Variants in CDH13 observed in about 807,000 individuals in gnomAD.
CDH13 encodes cadherin-13.
A neutral mutation model predicts 63.8 loss-of-function variants in CDH13; 24 were observed. The observed-to-expected ratio is 0.38, with a 90% CI of 0.27 to 0.53. The LOEUF is 0.53. CDH13 is among the 20% of genes least tolerant of loss of function. CDH13 has a pLI of 0.85. For synonymous variants in CDH13, 503 were observed against 355.3 expected (o/e 1.42, Z -4.67); for missense variants, 1,049 against 903.1 (o/e 1.16, Z -2.07).
intron 4 of CDH13, among the ~76,000 whole-genome samples, chr16:83,147,310 A>G (rs2036792108): frequency 1.3e-5 from 2 of 152,052 alleles, no homozygotes; most frequent in Admixed American, 1.3e-4. Context: ...GTGAGGCCTG[A>G]CCTTGCTTTG....
intron 4 of CDH13, among the ~76,000 whole-genome samples, chr16:83,172,321 T>C (rs1031987155): frequency 5.3e-5 from 8 of 152,034 alleles, no homozygotes; most frequent in Non-Finnish European, 1.2e-4. Context: ...AAACCCCGTC[T>C]CTACTAAAAA....
chr16:82,795,246 C>T (rs2036524808), intron 1 of CDH13, among the ~76,000 whole-genome samples: 1 of 152,186 alleles, frequency 6.6e-6, no homozygotes, highest in South Asian at 2.1e-4. Context: ...TTCCAATGGA[C>T]ATGGACAGTT....
intron 4 of CDH13, among the ~76,000 whole-genome samples, chr16:83,131,286 T>C (rs1208660007): frequency 6.8e-6 from 1 of 147,692 alleles, no homozygotes; most frequent in Admixed American, 7.0e-5. Flanking sequence ...CTGGCTCTTT[T>C]CCATGGTGCA....
At chr16:83,327,710 A>G (rs1354656572) in intron 5 of CDH13, among the ~76,000 whole-genome samples, 2 of 152,252 alleles carry the variant, frequency 1.3e-5, no homozygotes, top group Non-Finnish European at 2.9e-5. Context: ...TTGATCAAGA[A>G]GTCAAGGAAG....
chr16:83,305,257 C>T (rs766068537), intron 5 of CDH13, among the ~76,000 whole-genome samples: 7 of 152,184 alleles, frequency 4.6e-5, no homozygotes, highest in Non-Finnish European at 1.0e-4. Flanking sequence ...CTTCACTTTA[C>T]TTAAGCATGG....
chr16:83,091,492 ATTAAT>A (rs2033909714), intron 3 of CDH13, among the ~76,000 whole-genome samples: 1 of 152,330 alleles, frequency 6.6e-6, no homozygotes, highest in East Asian at 1.9e-4. Flanking sequence ...TAATTCTGAC[ATTAAT>A]TTCAGTTCCT....
At chr16:83,494,049 G>C (rs759373612) in intron 7 of CDH13, among the ~76,000 whole-genome samples, 57 of 152,226 alleles carry the variant, frequency 3.7e-4, no homozygotes, top group Middle Eastern at 3.4e-3. Context: ...GTAGTTACTG[G>C]GCACATGTTG....
intron 6 of CDH13, among the ~76,000 whole-genome samples, chr16:83,358,163 C>G (rs768702271): frequency 1.3e-5 from 2 of 152,164 alleles, no homozygotes; most frequent in Non-Finnish European, 2.9e-5. Flanking sequence ...CTGTATTGCT[C>G]AGCCTCCCTG....
chr16:83,558,223 C>G (rs1279973378), intron 7 of CDH13, among the ~76,000 whole-genome samples: 1 of 152,140 alleles, frequency 6.6e-6, no homozygotes, highest in Non-Finnish European at 1.5e-5. Context: ...TAAGAGTGAA[C>G]CTACATTGTT....
chr16:83,745,398 A>G (rs1912481843), intron 10 of CDH13, among the ~76,000 whole-genome samples: 1 of 152,284 alleles, frequency 6.6e-6, no homozygotes, highest in African/African-American at 2.4e-5. Context: ...TGTGTGAATT[A>G]AATTTACAAC....
At chr16:82,961,572 T>TAA (rs71376305) in intron 2 of CDH13, among the ~76,000 whole-genome samples, 12,735 of 102,926 alleles carry the variant, frequency 0.12, 847 homozygotes, top group East Asian at 0.29. Context: ...GCAGGGGACT[T>TAA]AAAAAAAAAA....
chr16:83,432,175 T>G (rs1408811380), intron 6 of CDH13, among the ~76,000 whole-genome samples: 1 of 152,128 alleles, frequency 6.6e-6, no homozygotes, highest in Non-Finnish European at 1.5e-5. Context: ...AATTTCAGAT[T>G]CCCTGTGACG....
chr16:82,800,290 C>G (rs896265503), intron 1 of CDH13, among the ~76,000 whole-genome samples: 5 of 152,052 alleles, frequency 3.3e-5, no homozygotes, highest in African/African-American at 9.7e-5. Flanking sequence ...GGTTAGGTCT[C>G]CTTTAAAATT....
At chr16:83,334,492 C>A (rs1182887625) in intron 5 of CDH13, among the ~76,000 whole-genome samples, 1 of 151,876 alleles carries the variant, frequency 6.6e-6, no homozygotes, top group Non-Finnish European at 1.5e-5. Context: ...CTACCTCACC[C>A]TCCTGAGTAG....
chr16:83,183,223 G>C (rs757539777), intron 4 of CDH13, among the ~76,000 whole-genome samples: 15 of 152,176 alleles, frequency 9.9e-5, no homozygotes, highest in Non-Finnish European at 2.1e-4. Flanking sequence ...CTTTATTTGA[G>C]ATAAACACAA....
intron 2 of CDH13, among the ~76,000 whole-genome samples, chr16:82,927,514 G>A (rs1420462685): frequency 6.6e-6 from 1 of 152,148 alleles, no homozygotes; most frequent in African/African-American, 2.4e-5. Flanking sequence ...CAAAACAGAT[G>A]TTAAATGTTC....
intron 10 of CDH13, among the ~76,000 whole-genome samples, chr16:83,736,242 C>T (rs755415642): frequency 3.3e-5 from 5 of 152,146 alleles, no homozygotes; most frequent in Admixed American, 6.5e-5. Flanking sequence ...TTTACCCATA[C>T]TAAGAGTGTT....
chr16:83,673,885 G>A lies in CDH13; in HGVS notation c.1284+2913G>A, dbSNP rs138123992. 2.4e-3 allele frequency among the ~76,000 whole-genome samples: 372 copies of A among 152,328 alleles called. 1 individual carries two copies. Among genetic ancestry groups the A allele is most frequent in the African/African-American group, 7.4e-3 (307 of 41,580 alleles). On this transcript the variant is annotated intron_variant, in intron 9 of 13. Transcript: ENST00000567109. Reference sequence around the variant, plus strand: ...CTCCCTGCAAATTCCAGGGGAAGAGGTGCCCACAGAGGCTGATGCTCTTGC... The same window carrying A: ...CTCCCTGCAAATTCCAGGGGAAGAGATGCCCACAGAGGCTGATGCTCTTGC...
intron 1 of CDH13, among the ~76,000 whole-genome samples, chr16:82,847,183 G>C (rs1376759696): frequency 6.6e-6 from 1 of 152,160 alleles, no homozygotes; most frequent in Non-Finnish European, 1.5e-5. Flanking sequence ...TGTCTATTGT[G>C]GGGCCAGGCT....
Sources: gnomAD v4.1 joint callset for allele counts (sites outside exome capture counted in the v4.1 genomes callset) on GRCh38, gnomAD v4.1.1 for gene constraint, MANE v1.5 for transcripts, NCBI Gene and HGNC (gene_info 2026-07-23, HGNC 2026-07-21) for gene names.